Variants in TBC1D32 observed in about 807,000 individuals in gnomAD.
The protein encoded by TBC1D32 is TBC1 domain family member 32.
Under a neutral mutation model 170.3 loss-of-function variants are expected in TBC1D32, and 151 were observed. The observed-to-expected ratio is 0.89, with a 90% CI of 0.78 to 1.01. The LOEUF (loss-of-function observed/expected upper bound fraction) is 1.01. Among genes scored for constraint, TBC1D32 ranks in the 50% least tolerant of loss-of-function variants. The pLI, the probability that TBC1D32 is intolerant of heterozygous loss-of-function variation, is 0.00. For synonymous variants in TBC1D32, 498 were observed against 488.0 expected (o/e 1.02, Z -0.27); for missense variants, 1,464 against 1,457.1 (o/e 1.00, Z -0.08).
At chr6:121,220,932 C>A (rs185966631) in intron 21 of TBC1D32, among the ~76,000 whole-genome samples, 2 of 152,074 alleles carry the variant, frequency 1.3e-5, no homozygotes, top group African/African-American at 4.8e-5. Flanking sequence ...TGAACAACGA[C>A]GCCCGGCCAA....
In TBC1D32 at chr6:121,113,182, A is replaced by C; in HGVS notation, c.3054-5T>G. 1 of 1,571,832 alleles carries C rather than the reference A, an allele frequency of 6.4e-7. No homozygotes were observed. The highest frequency in any genetic ancestry group is 1.2e-5 in the South Asian group (1 of 85,856). Reference sequence around the variant, plus strand: ...AGACTGAGGAATTTGCCATACCTATATTAAAAGCCCACAAAACATAAAACA... The same window carrying C: ...AGACTGAGGAATTTGCCATACCTATCTTAAAAGCCCACAAAACATAAAACA... On this transcript the variant is annotated splice_polypyrimidine_tract_variant and splice_region_variant and intron_variant, in intron 27 of 31. Coordinates refer to ENST00000398212, the MANE Select transcript of TBC1D32 (RefSeq NM_152730.6).
At position 121,080,106 on chromosome 6, in the gene TBC1D32, A is replaced by T. The variant is rs1404512265; in HGVS notation, c.*665T>A. The T allele has an allele frequency of 1.3e-5, 2 of 151,938 alleles. No individual in the cohort carries two copies. Among genetic ancestry groups the T allele is most frequent in the Non-Finnish European group, 2.9e-5 (2 of 68,140 alleles). 9.4% of individuals were successfully genotyped at this position (151,938 alleles called of 1,614,324 possible). On this transcript the variant is annotated 3_prime_UTR_variant, in exon 32 of 32. Transcript: ENST00000398212. ...AGAAATACTGTCTTTTCCTTGTCTTATGGGCTTTCTGCAGCTAGTCAAAAT... is the reference window on the plus strand; with the variant it reads ...AGAAATACTGTCTTTTCCTTGTCTTTTGGGCTTTCTGCAGCTAGTCAAAAT...
At chr6:121,264,459 G>T (rs1048804352) in intron 15 of TBC1D32, among the ~76,000 whole-genome samples, 4 of 152,194 alleles carry the variant, frequency 2.6e-5, no homozygotes, top group South Asian at 2.1e-4. Context: ...GGACCAAATG[G>T]ATTCACAGCC....
intron 10 of TBC1D32, among the ~76,000 whole-genome samples, chr6:121,298,638 T>A (rs955529024): frequency 2.0e-5 from 3 of 152,080 alleles, no homozygotes; most frequent in Non-Finnish European, 4.4e-5. Context: ...ACAAATAAAT[T>A]CTTATCCTAT....
chr6:121,101,044 T>G (rs533070718), intron 30 of TBC1D32, among the ~76,000 whole-genome samples: 2 of 152,184 alleles, frequency 1.3e-5, no homozygotes, highest in Middle Eastern at 3.4e-3. Context: ...CAGGAAGAAG[T>G]TGAATTCCTG....
At chr6:121,159,326 TG>T (rs1302614488) in intron 24 of TBC1D32, among the ~76,000 whole-genome samples, 1 of 152,190 alleles carries the variant, frequency 6.6e-6, no homozygotes, top group Non-Finnish European at 1.5e-5. Context: ...ACAAGACCTG[TG>T]TATAGCACAT....
At chr6:121,207,560 T>C (rs1792438102) in intron 21 of TBC1D32, among the ~76,000 whole-genome samples, 1 of 152,086 alleles carries the variant, frequency 6.6e-6, no homozygotes, top group Admixed American at 6.5e-5. Flanking sequence ...AAAACAAAAC[T>C]CCTGGGAAGC....
intron 22 of TBC1D32, among the ~76,000 whole-genome samples, chr6:121,190,774 C>T (rs903941251): frequency 6.6e-6 from 1 of 152,044 alleles, no homozygotes; most frequent in East Asian, 1.9e-4. Context: ...TGGAGGCAGG[C>T]GTTTGTCTGG....
At chr6:121,291,850 A>T (rs76559247) in intron 12 of TBC1D32, among the ~76,000 whole-genome samples, 12 of 149,074 alleles carry the variant, frequency 8.0e-5, no homozygotes, top group Admixed American at 8.0e-4. Context: ...GAATAATAAT[A>T]AAAAAAAAAT....
intron 24 of TBC1D32, among the ~76,000 whole-genome samples, chr6:121,138,241 C>A (rs1351482402): frequency 6.6e-6 from 1 of 152,066 alleles, no homozygotes; most frequent in Non-Finnish European, 1.5e-5. Context: ...GGTATGTCAT[C>A]CATATCTTAC....
intron 22 of TBC1D32, among the ~76,000 whole-genome samples, chr6:121,192,061 ACCC>A (rs1318168837): frequency 0.15 from 2,869 of 19,540 alleles, 96 homozygotes; most frequent in South Asian, 0.41. Context: ...TTAATAAACT[ACCC>A]TTTATATATA....
At chr6:121,241,248 G>A (rs1796946909) in intron 19 of TBC1D32, among the ~76,000 whole-genome samples, 1 of 152,068 alleles carries the variant, frequency 6.6e-6, no homozygotes, top group Non-Finnish European at 1.5e-5. Flanking sequence ...GAACAAGGTT[G>A]TATATATATC....
chr6:121,090,656 T>C (rs1776709382), intron 31 of TBC1D32, among the ~76,000 whole-genome samples, 197 bp downstream of exon 31: 1 of 152,218 alleles, frequency 6.6e-6, no homozygotes, highest in African/African-American at 2.4e-5. Flanking sequence ...ATATTCCAGT[T>C]CCACTTTAGC....
In TBC1D32 at chr6:121,115,207, TGAAA is replaced by T; in HGVS notation, c.3014_3017del (p.Leu1005HisfsTer10). The T allele has an allele frequency of 6.2e-7, 1 of 1,602,600 alleles. No individual in the cohort carries two copies. The highest frequency in any genetic ancestry group is 8.5e-7 in the Non-Finnish European group (1 of 1,173,086). ...TTTTAATGCCAAGCTGCTGCACAGA[TGAAA>T]GACTTTCATTCTTCACATTTGCATC... is the stretch of plus-strand genomic sequence containing the variant. On this transcript the variant is annotated frameshift_variant, in exon 27 of 32. Transcript: ENST00000398212. LOFTEE classifies it high-confidence loss of function.
At position 121,281,606 on chromosome 6, in the gene TBC1D32, A is replaced by G; in HGVS notation, c.1546T>C (p.Tyr516His). The G allele has an allele frequency of 6.2e-7, 1 of 1,608,216 alleles. No individual in the cohort carries two copies. Among genetic ancestry groups the G allele is most frequent in the Non-Finnish European group, 8.5e-7 (1 of 1,176,276 alleles). Residue 516 changes from tyrosine (Y) to histidine (H), a missense_variant, in exon 14 of 32, where the codon TAT becomes CAT. Coordinates refer to ENST00000398212, the MANE Select transcript of TBC1D32 (RefSeq NM_152730.6). ...DQKECAVECL[Y>H]NNIVIETLLQ... ...AGTGTCTCTATTACAATGTTGTTAT[A>G]TAAGCATTCCACTGCACATTCTTTT... is the stretch of plus-strand genomic sequence containing the variant.
At chr6:121,305,669 G>A (rs992036740) in intron 5 of TBC1D32, among the ~76,000 whole-genome samples, 1 of 152,000 alleles carries the variant, frequency 6.6e-6, no homozygotes, top group South Asian at 2.1e-4. Context: ...AAATACTTTG[G>A]GAAGTCTATT....
At chr6:121,199,042 G>C (rs116524596) in intron 22 of TBC1D32, among the ~76,000 whole-genome samples, 2,169 of 151,350 alleles carry the variant, frequency 0.014, 149 homozygotes, top group African/African-American at 0.049. Context: ...TCATTAAGTA[G>C]GCAGAATATA....
At chr6:121,132,655 G>A (rs1781566242) in intron 24 of TBC1D32, among the ~76,000 whole-genome samples, 1 of 151,910 alleles carries the variant, frequency 6.6e-6, no homozygotes, top group Non-Finnish European at 1.5e-5. Flanking sequence ...CAAAGAGGAT[G>A]GAGGTAGAGA....
intron 21 of TBC1D32, among the ~76,000 whole-genome samples, chr6:121,215,137 A>C (rs749127716): frequency 5.1e-4 from 77 of 152,316 alleles, no homozygotes; most frequent in Non-Finnish European, 5.3e-4. Context: ...TGGGGCTTTT[A>C]TGGGCTTCAG....
Sources: allele counts gnomAD v4.1 joint callset (sites outside exome capture counted in the v4.1 genomes callset), GRCh38; gene constraint gnomAD v4.1.1; transcripts MANE v1.5; gene names NCBI Gene and HGNC (gene_info 2026-07-23, HGNC 2026-07-21).